Variants in CDIN1 observed in about 807,000 individuals in gnomAD.
CDIN1 encodes CDAN1-interacting nuclease 1.
A neutral mutation model predicts 45.3 loss-of-function variants in CDIN1; 33 were observed. That is an observed-to-expected ratio of 0.73 (90% CI 0.55 to 0.97). The LOEUF (loss-of-function observed/expected upper bound fraction) is 0.97, where lower values mean the gene tolerates loss of function less well. CDIN1 is among the 50% of genes least tolerant of loss of function. CDIN1 has a pLI of 0.00. For missense variants in CDIN1, 303 were observed against 339.4 expected, an observed-to-expected ratio of 0.89 and a Z score of 0.84; for synonymous variants, 118 against 124.4, an observed-to-expected ratio of 0.95 and a Z score of 0.34.
intron 1 of CDIN1, among the ~76,000 whole-genome samples, chr15:36,594,408 G>A (rs891019298): frequency 1.3e-5 from 2 of 152,164 alleles, no homozygotes; most frequent in African/African-American, 2.4e-5. Flanking sequence ...TCTGAAGCAT[G>A]GAAACAAGAC....
intron 4 of CDIN1, among the ~76,000 whole-genome samples, chr15:36,656,490 C>T (rs981421955): frequency 3.9e-5 from 6 of 152,092 alleles, no homozygotes; most frequent in African/African-American, 1.4e-4. Flanking sequence ...ATCAGTCATT[C>T]TGTTCTCTCC....
chr15:36,780,735 T>C (rs2054329173), intron 10 of CDIN1, among the ~76,000 whole-genome samples: 1 of 152,184 alleles, frequency 6.6e-6, no homozygotes, highest in African/African-American at 2.4e-5. Flanking sequence ...CTAATAACTG[T>C]GCAATAGAGT....
At chr15:36,635,673 T>C (rs549560845) in intron 1 of CDIN1, among the ~76,000 whole-genome samples, 3 of 152,332 alleles carry the variant, frequency 2.0e-5, no homozygotes, top group Non-Finnish European at 4.4e-5. Context: ...GATCCAGTTA[T>C]TGGAATTACC....
intron 7 of CDIN1, among the ~76,000 whole-genome samples, chr15:36,692,508 T>A (rs1367972336): frequency 1.3e-5 from 2 of 152,214 alleles, no homozygotes; most frequent in African/African-American, 2.4e-5. Context: ...AAACATTTTT[T>A]AAAAATATAA....
chr15:36,592,440 C>T (rs964933888), intron 1 of CDIN1, among the ~76,000 whole-genome samples: 8 of 152,324 alleles, frequency 5.3e-5, no homozygotes, highest in East Asian at 1.9e-4. Flanking sequence ...TGCATTCTAT[C>T]GCCAGTCTGA....
chr15:36,712,175 C>CT, intron 10 of CDIN1, among the ~76,000 whole-genome samples: 1 of 150,216 alleles, frequency 6.7e-6, no homozygotes, highest in African/African-American at 2.4e-5. Flanking sequence ...ATATAAAAAC[C>CT]AATATTACCT....
intron 10 of CDIN1, among the ~76,000 whole-genome samples, chr15:36,774,492 CAA>C (rs879547544): frequency 4.3e-5 from 6 of 140,590 alleles, no homozygotes; most frequent in Admixed American, 2.1e-4. Flanking sequence ...TTTCATTTAG[CAA>C]AAAAAAAAAA....
intron 10 of CDIN1, chr15:36,756,249 C>A (rs2053606155): frequency 5.2e-6 from 2 of 385,152 alleles, no homozygotes; most frequent in South Asian, 3.8e-5. Flanking sequence ...TGCTGACTGG[C>A]ACATTTGGCA....
At chr15:36,783,802 G>T (rs2054415873) in intron 10 of CDIN1, among the ~76,000 whole-genome samples, 1 of 152,202 alleles carries the variant, frequency 6.6e-6, no homozygotes, top group Admixed American at 6.6e-5. Flanking sequence ...AACCCACACT[G>T]CTCATAATGG....
Position 36,810,167 on chromosome 15 carries a change from C to T in CDIN1, c.*1714C>T, listed in dbSNP as rs1870261886. The stretch of plus-strand genomic sequence containing the variant: ...CAGATGTTGAAAATCCTGTTAAACC[C>T]TTGTCAAGGATTTGTTTATTTTACA... On this transcript the variant is annotated 3_prime_UTR_variant, in exon 11 of 11. Coordinates refer to ENST00000566621, the MANE Select transcript of CDIN1 (RefSeq NM_001321759.2). The T allele has an allele frequency of 6.6e-6, 1 of 152,050 alleles. No individual in the cohort carries two copies. The highest frequency in any genetic ancestry group is 1.5e-5 in the Non-Finnish European group (1 of 68,002). The allele number at this position is 152,050 out of a possible 1,614,324, so 9.4% of individuals were successfully genotyped here. A position where few individuals can be genotyped will look rare whatever the true frequency, so the allele number is the denominator to read the frequency against.
chr15:36,735,547 A>C (rs191984516), intron 10 of CDIN1, among the ~76,000 whole-genome samples: 272 of 152,226 alleles, frequency 1.8e-3, no homozygotes, highest in African/African-American at 6.4e-3. Flanking sequence ...TACCAAAGAC[A>C]TACATATGTG....
intron 8 of CDIN1, chr15:36,707,676 T>C (rs990687367): frequency 6.6e-6 from 1 of 152,200 alleles, no homozygotes; most frequent in Non-Finnish European, 1.5e-5. Context: ...TAGGATAGTT[T>C]TAGTGAAATA....
intron 10 of CDIN1, among the ~76,000 whole-genome samples, chr15:36,727,477 A>AGGCAGCGAAAAATGTTGTCT (rs2043678287): frequency 6.6e-6 from 1 of 152,168 alleles, no homozygotes; most frequent in Non-Finnish European, 1.5e-5. Flanking sequence ...TTGCTTGTGA[A>AGGCAGCGAAAAATGTTGTCT]GGCAGCGAAA....
intron 8 of CDIN1, chr15:36,702,163 A>G (rs1201697788): frequency 1.4e-6 from 1 of 701,502 alleles, no homozygotes; most frequent in Non-Finnish European, 2.6e-6. Context: ...GTATTTCATA[A>G]GGAATCCACC....
chr15:36,724,205 T>C (rs952211782), intron 10 of CDIN1, among the ~76,000 whole-genome samples: 1 of 152,214 alleles, frequency 6.6e-6, no homozygotes, highest in Admixed American at 6.5e-5. Flanking sequence ...AGTGCTTAGA[T>C]TGAATAGAAA....
At chr15:36,684,408 C>G (rs1450731441) in intron 5 of CDIN1, among the ~76,000 whole-genome samples, 1 of 151,906 alleles carries the variant, frequency 6.6e-6, no homozygotes, top group Non-Finnish European at 1.5e-5. Flanking sequence ...ACCAGCCTTG[C>G]ATCCCAGGGA....
intron 10 of CDIN1, among the ~76,000 whole-genome samples, chr15:36,772,342 T>C (rs1031869830): frequency 6.6e-6 from 1 of 152,210 alleles, no homozygotes; most frequent in African/African-American, 2.4e-5. Context: ...TACATTTGAT[T>C]GCATGGTGCT....
At chr15:36,710,514 A>T (rs755059325) in intron 10 of CDIN1, among the ~76,000 whole-genome samples, 3 of 152,126 alleles carry the variant, frequency 2.0e-5, no homozygotes, top group Non-Finnish European at 4.4e-5. Flanking sequence ...CCGGGAAGTT[A>T]CTTTTGTCCC....
chr15:36,793,379 A>G (rs950378505), intron 10 of CDIN1, among the ~76,000 whole-genome samples: 3 of 151,982 alleles, frequency 2.0e-5, no homozygotes, highest in African/African-American at 4.8e-5. Context: ...CAAGAGCACT[A>G]TACTAGAAGT....
Sources: gnomAD v4.1 joint callset for allele counts (sites outside exome capture counted in the v4.1 genomes callset) on GRCh38, gnomAD v4.1.1 for gene constraint, MANE v1.5 for transcripts, NCBI Gene and HGNC (gene_info 2026-07-23, HGNC 2026-07-21) for gene names.